SLC25A26: variants seen among roughly 807,000 people sequenced by gnomAD.
SLC25A26 encodes mitochondrial S-adenosylmethionine carrier protein.
A neutral mutation model predicts 37.8 loss-of-function variants in SLC25A26; 36 were observed. That is an observed-to-expected ratio of 0.95 (90% CI 0.73 to 1.26). SLC25A26 has a LOEUF of 1.26. SLC25A26 is among the 50% of genes most tolerant of loss of function. The pLI, the probability that SLC25A26 is intolerant of heterozygous loss-of-function variation, is 0.00. For synonymous variants in SLC25A26, 129 were observed against 122.5 expected (o/e 1.05, Z -0.35); for missense variants, 390 against 331.1 (o/e 1.18, Z -1.38).
intron 1 of SLC25A26, among the ~76,000 whole-genome samples, chr3:66,151,888 T>C (rs1006718396): frequency 9.8e-5 from 15 of 152,346 alleles, no homozygotes; most frequent in Admixed American, 9.8e-4. Context: ...CCCCTCTCTC[T>C]TTTTTTGCTC....
At chr3:66,237,930 T>C (rs144336423) in intron 2 of SLC25A26, among the ~76,000 whole-genome samples, 38,048 of 152,150 alleles carry the variant, frequency 0.25, 5,205 homozygotes, top group African/African-American at 0.36. Context: ...TAAAGGTTTG[T>C]AGTGCAAAGA....
At chr3:66,363,052 T>C (rs924090562) in intron 7 of SLC25A26, 123 bp downstream of exon 7, 36 of 454,248 alleles carry the variant, frequency 7.9e-5, no homozygotes, top group African/African-American at 7.3e-4. Flanking sequence ...GCTCCACTAG[T>C]TGTTTGAGAA....
At chr3:66,169,058 G>C (rs148536535) in intron 1 of SLC25A26, among the ~76,000 whole-genome samples, 1,566 of 152,298 alleles carry the variant, frequency 0.01, 20 homozygotes, top group African/African-American at 0.031. Flanking sequence ...CCAGGTGTTC[G>C]AGGCTGCAGT....
intron 5 of SLC25A26, among the ~76,000 whole-genome samples, chr3:66,318,799 G>A (rs948651205): frequency 1.3e-5 from 2 of 151,834 alleles, no homozygotes; most frequent in Non-Finnish European, 2.9e-5. Flanking sequence ...CCATAGATAT[G>A]CACCACCACA....
At chr3:66,366,401 T>C (rs2076825549) in intron 7 of SLC25A26, among the ~76,000 whole-genome samples, 1 of 152,218 alleles carries the variant, frequency 6.6e-6, no homozygotes, top group African/African-American at 2.4e-5. Flanking sequence ...CCTTACAGCC[T>C]TACAAAAGCA....
intron 5 of SLC25A26, among the ~76,000 whole-genome samples, chr3:66,314,741 C>G (rs2075482777): frequency 6.7e-6 from 1 of 150,232 alleles, no homozygotes; most frequent in Non-Finnish European, 1.5e-5. Flanking sequence ...GTAAAACCGT[C>G]TGGTTCTGGG....
At chr3:66,292,960 A>C (rs745757189) in intron 5 of SLC25A26, among the ~76,000 whole-genome samples, 1 of 151,840 alleles carries the variant, frequency 6.6e-6, no homozygotes, top group African/African-American at 2.4e-5. Context: ...ATAGTCCTAT[A>C]TTTCTTGGAG....
chr3:66,262,069 G>C lies in SLC25A26; in HGVS notation c.319G>C (p.Val107Leu). ...CTTTTAGGTTGCCTGCCTGATTCGA[G>C]TTCCATCTGAAGTGGTTAAGCAGAG... is the stretch of plus-strand genomic sequence containing the variant. ...AGEVVACLIR[V>L]PSEVVKQRAQ... The change falls in exon 4 of 10, where the codon GTT becomes CTT. Residue 107 changes from valine (V) to leucine (L), a missense_variant. By Grantham distance (32) the Val-to-Leu change is conservative. Coordinates refer to ENST00000354883, the MANE Select transcript of SLC25A26 (RefSeq NM_001379210.1). 1 of 1,582,742 alleles carries C rather than the reference G, an allele frequency of 6.3e-7. No homozygotes were observed. Among genetic ancestry groups the C allele is most frequent in the Non-Finnish European group, 8.6e-7 (1 of 1,163,812 alleles).
chr3:66,344,891 T>G (rs905999504), intron 5 of SLC25A26, among the ~76,000 whole-genome samples: 1 of 152,240 alleles, frequency 6.6e-6, no homozygotes, highest in Non-Finnish European at 1.5e-5. Context: ...AGTCAGATTG[T>G]CTGGGCTTCT....
intron 2 of SLC25A26, among the ~76,000 whole-genome samples, chr3:66,238,162 A>T (rs2072387696): frequency 6.6e-6 from 1 of 152,160 alleles, no homozygotes; most frequent in Non-Finnish European, 1.5e-5. Context: ...GAATCACCTG[A>T]TTACTGAAGA....
intron 5 of SLC25A26, among the ~76,000 whole-genome samples, chr3:66,310,071 G>A (rs185685100): frequency 5.2e-4 from 79 of 152,214 alleles, no homozygotes; most frequent in African/African-American, 1.7e-3. Context: ...TTTCTGTCTC[G>A]CTGATCTAGC....
chr3:66,204,611 C>G (rs1412613028), intron 1 of SLC25A26, among the ~76,000 whole-genome samples: 1 of 152,036 alleles, frequency 6.6e-6, no homozygotes, highest in Non-Finnish European at 1.5e-5. Flanking sequence ...CCAGAAAAAG[C>G]AAGAACATTG....
intron 7 of SLC25A26, among the ~76,000 whole-genome samples, chr3:66,364,693 A>G (rs1028440258): frequency 6.6e-6 from 1 of 152,234 alleles, no homozygotes; most frequent in African/African-American, 2.4e-5. Flanking sequence ...TACTATTTCA[A>G]TAAGAACAAC....
intron 1 of SLC25A26, among the ~76,000 whole-genome samples, chr3:66,187,091 A>G (rs1193518342): frequency 1.3e-5 from 2 of 150,512 alleles, no homozygotes; most frequent in Non-Finnish European, 3.0e-5. Context: ...GGCCAACTCC[A>G]ATCTTAATCT....
At chr3:66,143,879 T>G (rs2070074910) in intron 1 of SLC25A26, among the ~76,000 whole-genome samples, 2 of 152,188 alleles carry the variant, frequency 1.3e-5, no homozygotes, top group Middle Eastern at 3.4e-3. Context: ...AGACCCTGTC[T>G]CAAAAACAAA....
At chr3:66,248,125 A>G (rs1213499802) in intron 3 of SLC25A26, among the ~76,000 whole-genome samples, 1 of 151,960 alleles carries the variant, frequency 6.6e-6, no homozygotes, top group Non-Finnish European at 1.5e-5. Flanking sequence ...TGTAGCAACT[A>G]TTAAGGAAAC....
At chr3:66,280,450 T>C (rs2074298375) in intron 5 of SLC25A26, among the ~76,000 whole-genome samples, 2 of 152,202 alleles carry the variant, frequency 1.3e-5, no homozygotes. Flanking sequence ...CCATTTTATA[T>C]GCTAACAGAC....
intron 1 of SLC25A26, among the ~76,000 whole-genome samples, chr3:66,224,163 C>A (rs1404266934): frequency 2.6e-5 from 4 of 152,140 alleles, no homozygotes; most frequent in Admixed American, 6.5e-5. Context: ...CTATTCCATT[C>A]ATGGGGAAAA....
intron 3 of SLC25A26, among the ~76,000 whole-genome samples, chr3:66,260,521 C>G (rs2073483746): frequency 6.6e-6 from 1 of 152,130 alleles, no homozygotes; most frequent in African/African-American, 2.4e-5. Context: ...TTAACATAAC[C>G]ATACCCTTTG....
Sources: allele counts gnomAD v4.1 joint callset (sites outside exome capture counted in the v4.1 genomes callset), GRCh38; gene constraint gnomAD v4.1.1; transcripts MANE v1.5; gene names NCBI Gene and HGNC (gene_info 2026-07-23, HGNC 2026-07-21).